The following VAV2 variants were observed in gnomAD, a reference collection of about 807,000 sequenced individuals.
The protein encoded by VAV2 is vav guanine nucleotide exchange factor 2.
A neutral mutation model predicts 132.5 loss-of-function variants in VAV2; 67 were observed. The observed-to-expected ratio is 0.51, with a 90% confidence interval of 0.42 to 0.62. The LOEUF (loss-of-function observed/expected upper bound fraction) is 0.62, where lower values mean the gene tolerates loss of function less well. VAV2 is among the 20% of genes least tolerant of loss of function. The pLI is 0.00. For missense variants in VAV2, 938 were observed against 1,153.6 expected (o/e 0.81, Z 2.71); for synonymous variants, 492 against 443.5 (o/e 1.11, Z -1.37).
chr9:133,955,286 CA>C (rs1300550659), intron 1 of VAV2, among the ~76,000 whole-genome samples: 1 of 151,968 alleles, frequency 6.6e-6, no homozygotes, highest in African/African-American at 2.4e-5. Flanking sequence ...TCCACAAGCC[CA>C]GCCAGGGAGT....
intron 3 of VAV2, among the ~76,000 whole-genome samples, chr9:133,843,683 A>T (rs1424307659): frequency 1.3e-5 from 2 of 152,358 alleles, no homozygotes; most frequent in African/African-American, 4.8e-5. Context: ...GATGATGGAC[A>T]TGGGCATGGT....
At chr9:133,930,860 T>C (rs530181450) in intron 2 of VAV2, among the ~76,000 whole-genome samples, 1 of 152,314 alleles carries the variant, frequency 6.6e-6, no homozygotes, top group African/African-American at 2.4e-5. Context: ...TAAGCAGCCA[T>C]GGAGCCACCC....
At chr9:133,859,094 C>T (rs551556619) in intron 3 of VAV2, among the ~76,000 whole-genome samples, 5 of 150,740 alleles carry the variant, frequency 3.3e-5, no homozygotes, top group South Asian at 2.2e-4. Flanking sequence ...ACGTGGGGGA[C>T]GGAGGGGGTG....
intron 20 of VAV2, 155 bp from the exon 21 acceptor site, chr9:133,780,094 G>A (rs536060626): frequency 1.1e-5 from 11 of 982,288 alleles, no homozygotes; most frequent in South Asian, 9.2e-5. Context: ...TTCCCTATGG[G>A]ACGCCCCCAC....
rs182362798 is a variant in VAV2 at position 133,906,239 on chromosome 9, G to A, written c.321+32864C>T. Among the ~76,000 whole-genome samples the A allele has an allele frequency of 5.3e-5, 8 of 152,262 alleles. 1 individual carries two copies. Among genetic ancestry groups the A allele is most frequent in the Admixed American group, 5.2e-4 (8 of 15,296 alleles). ...ACATCACCGTGTGCCTGCACTATCT[G>A]CCAGGGTCAAAATGCCCAAGACAGT... On this transcript the variant is annotated intron_variant, in intron 2 of 29. Coordinates refer to ENST00000371850, the MANE Select transcript of VAV2 (RefSeq NM_001134398.2).
intron 2 of VAV2, among the ~76,000 whole-genome samples, chr9:133,864,642 G>A (rs1404941663): frequency 6.6e-6 from 1 of 152,248 alleles, no homozygotes; most frequent in East Asian, 1.9e-4. Context: ...AGGCTCTGGG[G>A]CCTGGGAATC....
rs61131449 is a variant in VAV2 at position 133,903,078 on chromosome 9, G to GAA, written c.321+36023_321+36024dup. 1.2e-3 allele frequency among the ~76,000 whole-genome samples: 129 copies of GAA among 105,348 alleles called. 2 individuals carry two copies. Among genetic ancestry groups the GAA allele is most frequent in the African/African-American group, 3.4e-3 (97 of 28,714 alleles). 69.1% of individuals were successfully genotyped at this position (105,348 alleles called of 152,430 possible). On this transcript the variant is annotated intron_variant, in intron 2 of 29. Transcript: ENST00000371850. ...CAACAAGAGCGAAACCCTGCCCCAG[G>GAA]AAAAAAAAAAAAAAAAAAGAGGTAG... is the stretch of plus-strand genomic sequence containing the variant.
Position 133,824,176 on chromosome 9 carries a change from C to G in VAV2, c.449+10096G>C, listed in dbSNP as rs1230235375. 1.3e-5 allele frequency among the ~76,000 whole-genome samples: 2 copies of G among 152,132 alleles called. No homozygotes were observed. Among genetic ancestry groups the G allele is most frequent in the African/African-American group, 4.8e-5 (2 of 41,420 alleles). On this transcript the variant is annotated intron_variant, in intron 4 of 29. Transcript: ENST00000371850. This position sits in a 1 kb window ranked among gnomAD's most constrained non-coding sequence, Gnocchi z 5.2. ...GCTGCGGTCTCCACAGCCAGCCCCA[C>G]AGGGAAGTGCTGATGGCTCTGTTAA... is the stretch of plus-strand genomic sequence containing the variant.
intron 1 of VAV2, among the ~76,000 whole-genome samples, chr9:133,973,457 C>T (rs960826565): frequency 2.6e-5 from 4 of 152,194 alleles, no homozygotes; most frequent in African/African-American, 9.6e-5. Flanking sequence ...ATCCCTATGC[C>T]GCTGGCCTCT....
chr9:133,878,385 G>A (rs189540234), intron 2 of VAV2, among the ~76,000 whole-genome samples: 2 of 152,330 alleles, frequency 1.3e-5, no homozygotes, highest in African/African-American at 2.4e-5. Flanking sequence ...CACTAAGATT[G>A]TTCAGAATCT....
chr9:133,884,895 C>A lies in VAV2; in HGVS notation c.322-23463G>T, dbSNP rs903882700. Among the ~76,000 whole-genome samples, 1 of 152,120 alleles carries A rather than the reference C, an allele frequency of 6.6e-6. No homozygotes were observed. The highest frequency in any genetic ancestry group is 1.5e-5 in the Non-Finnish European group (1 of 68,016). On this transcript the variant is annotated intron_variant, in intron 2 of 29. Transcript: ENST00000371850. This position sits in a 1 kb window ranked among gnomAD's most constrained non-coding sequence, Gnocchi z 5.3. ...CTCCCACTCAGCCAGAGGGGCGCAG[C>A]GCTGTCCACAACTCACACCCTCAGC... is the stretch of plus-strand genomic sequence containing the variant.
chr9:133,950,740 A>G (rs934777785), intron 1 of VAV2, among the ~76,000 whole-genome samples: 4 of 152,102 alleles, frequency 2.6e-5, no homozygotes, highest in African/African-American at 7.2e-5. Flanking sequence ...TTGCTCTCAT[A>G]GGACCTCAGC....
Position 133,812,222 on chromosome 9 carries a change from C to T in VAV2, c.450-6G>A, listed in dbSNP as rs1381578609. ...CCTCCCCCAGGTCATGCTCGCTGCACAGGAGGAGGCGGGTTAGAGGGGAGG... is the reference window on the plus strand; with the variant it reads ...CCTCCCCCAGGTCATGCTCGCTGCATAGGAGGAGGCGGGTTAGAGGGGAGG... On this transcript the variant is annotated splice_region_variant and splice_polypyrimidine_tract_variant and intron_variant, in intron 4 of 29. Transcript: ENST00000371850. 5 of 1,613,512 alleles carry T rather than the reference C, an allele frequency of 3.1e-6. No individual in the cohort carries two copies. The highest frequency in any genetic ancestry group is 4.2e-6 in the Non-Finnish European group (5 of 1,179,898).
At chr9:133,906,291 G>A (rs59804012) in intron 2 of VAV2, among the ~76,000 whole-genome samples, 5,094 of 152,310 alleles carry the variant, frequency 0.033, 253 homozygotes, top group African/African-American at 0.12. Context: ...TGTTTTCCAC[G>A]AGGGGACCTC....
At chr9:133,775,931 G>C in intron 24 of VAV2, 97 bp downstream of exon 24, 4 of 1,470,382 alleles carry the variant, frequency 2.7e-6, no homozygotes, top group Non-Finnish European at 3.6e-6. Context: ...CCTCCACCCT[G>C]CTGGGCCGCT....
intron 3 of VAV2, among the ~76,000 whole-genome samples, chr9:133,853,330 A>T (rs934002320): frequency 7.2e-5 from 11 of 152,070 alleles, no homozygotes; most frequent in African/African-American, 2.4e-4. Context: ...CGGCCAAGAG[A>T]GGGTGGAAGG....
intron 2 of VAV2, among the ~76,000 whole-genome samples, chr9:133,914,994 G>C (rs371379178): frequency 1.3e-5 from 2 of 152,116 alleles, no homozygotes; most frequent in African/African-American, 2.4e-5. Context: ...GCTCGCACGG[G>C]GGGAAGGACC....
intron 2 of VAV2, among the ~76,000 whole-genome samples, chr9:133,903,226 C>T (rs571145527): frequency 7.2e-4 from 109 of 152,308 alleles, no homozygotes; most frequent in African/African-American, 2.4e-3. Context: ...GCACCAGCCC[C>T]GCCGCCACCC....
intron 12 of VAV2, among the ~76,000 whole-genome samples, chr9:133,795,370 G>A (rs925884019): frequency 2.0e-5 from 3 of 152,182 alleles, no homozygotes; most frequent in Admixed American, 1.3e-4. Context: ...AGCCCAGAAT[G>A]GAGGCCAATG....
Sources: allele counts gnomAD v4.1 joint callset (sites outside exome capture counted in the v4.1 genomes callset), GRCh38; gene constraint gnomAD v4.1.1; non-coding constraint Gnocchi (gnomAD v3.1); transcripts MANE v1.5; gene names NCBI Gene and HGNC (gene_info 2026-07-23, HGNC 2026-07-21).